The following CDH12 variants were observed in gnomAD, a reference collection of about 807,000 sequenced individuals.
CDH12 encodes cadherin 12.
CDH12 carries 41 observed loss-of-function variants against 74.1 expected under a neutral mutation model. The observed-to-expected ratio is 0.55, with a 90% CI of 0.43 to 0.72. CDH12 has a LOEUF of 0.72. Ranked by LOEUF, CDH12 falls within the 30% of genes least tolerant of loss-of-function variation. The pLI is 0.00. For missense variants in CDH12, 945 were observed against 977.2 expected (o/e 0.97, Z 0.44); for synonymous variants, 399 against 355.0 (o/e 1.12, Z -1.39).
chr5:22,362,213 A>T (rs1374902900), intron 3 of CDH12, among the ~76,000 whole-genome samples: 1 of 152,122 alleles, frequency 6.6e-6, no homozygotes, highest in South Asian at 2.1e-4. Context: ...GAATCTACAA[A>T]GAACTCAAAC....
At chr5:21,920,739 A>G (rs1053979508) in intron 6 of CDH12, among the ~76,000 whole-genome samples, 10 of 151,806 alleles carry the variant, frequency 6.6e-5, no homozygotes, top group African/African-American at 2.4e-4. Context: ...GAAACTATTC[A>G]GAGAAACAAC....
At chr5:22,485,775 C>G (rs115335233) in intron 2 of CDH12, among the ~76,000 whole-genome samples, 1 of 152,076 alleles carries the variant, frequency 6.6e-6, no homozygotes, top group African/African-American at 2.4e-5. Context: ...AGGAAAACAC[C>G]TTAGCTACAA....
At chr5:22,744,472 C>T (rs903924872) in intron 1 of CDH12, among the ~76,000 whole-genome samples, 1 of 151,824 alleles carries the variant, frequency 6.6e-6, no homozygotes, top group Non-Finnish European at 1.5e-5. Context: ...TCATACAATG[C>T]GTAAATGTGA....
At chr5:22,764,821 G>T (rs1022682380) in intron 1 of CDH12, among the ~76,000 whole-genome samples, 1 of 151,878 alleles carries the variant, frequency 6.6e-6, no homozygotes, top group Non-Finnish European at 1.5e-5. Context: ...AAAATAATTT[G>T]CCTGTACTCT....
intron 2 of CDH12, among the ~76,000 whole-genome samples, chr5:22,460,366 C>T (rs1745448974): frequency 6.6e-6 from 1 of 152,132 alleles, no homozygotes; most frequent in Admixed American, 6.5e-5. Context: ...CCTTGGCAAC[C>T]ACTGTTTGGC....
chr5:22,572,448 A>G (rs934378799), intron 1 of CDH12, among the ~76,000 whole-genome samples: 1 of 152,158 alleles, frequency 6.6e-6, no homozygotes, highest in Non-Finnish European at 1.5e-5. Context: ...CTTTCACAAA[A>G]GCAGTTAGTG....
chr5:22,229,406 C>T, intron 3 of CDH12, among the ~76,000 whole-genome samples: 1 of 140,602 alleles, frequency 7.1e-6, no homozygotes, highest in Admixed American at 7.4e-5. Flanking sequence ...GATTTGGGGC[C>T]TTGTTACTCC....
chr5:22,324,988 A>G (rs1014587417), intron 3 of CDH12, among the ~76,000 whole-genome samples: 15 of 152,340 alleles, frequency 9.8e-5, no homozygotes, highest in Admixed American at 9.8e-4. Flanking sequence ...TACCTATAGA[A>G]TGCCATTCAT....
At chr5:22,399,208 AT>A (rs1742601687) in intron 3 of CDH12, among the ~76,000 whole-genome samples, 1 of 151,730 alleles carries the variant, frequency 6.6e-6, no homozygotes, top group East Asian at 1.9e-4. Flanking sequence ...CTATCTATCT[AT>A]CTATCTATCT....
intron 3 of CDH12, among the ~76,000 whole-genome samples, chr5:22,290,226 T>C (rs947268197): frequency 2.0e-5 from 3 of 152,114 alleles, no homozygotes; most frequent in African/African-American, 7.2e-5. Flanking sequence ...TACCATAAAG[T>C]TAATGATCAA....
intron 3 of CDH12, among the ~76,000 whole-genome samples, chr5:22,339,170 C>T (rs1346826101): frequency 6.6e-6 from 1 of 152,148 alleles, no homozygotes; most frequent in African/African-American, 2.4e-5. Flanking sequence ...TTGTAGTAAA[C>T]TTCTGCACCA....
chr5:21,934,944 G>A (rs1294083498), intron 6 of CDH12, among the ~76,000 whole-genome samples: 1 of 152,034 alleles, frequency 6.6e-6, no homozygotes, highest in Admixed American at 6.6e-5. Context: ...CCGCCATCAC[G>A]CCCGGCTAAT....
Position 22,064,150 on chromosome 5 carries a change from A to T in CDH12, c.231+14296T>A, listed in dbSNP as rs117967045. On this transcript the variant is annotated intron_variant, in intron 5 of 14. Coordinates refer to ENST00000382254, the MANE Select transcript of CDH12 (RefSeq NM_004061.5). ...TGGTGGGTGATACATCTGCAACCAA[A>T]TGTGGATCAGAAATATACTGTTCAT... Among the ~76,000 whole-genome samples, 788 of 152,152 alleles carry T rather than the reference A, an allele frequency of 5.2e-3. 17 individuals are homozygous for T. Among genetic ancestry groups the T allele is most frequent in the East Asian group, 0.048 (249 of 5,160 alleles).
chr5:22,248,223 C>T (rs1753023748), intron 3 of CDH12, among the ~76,000 whole-genome samples: 1 of 152,138 alleles, frequency 6.6e-6, no homozygotes, highest in African/African-American at 2.4e-5. Context: ...TTGCTTAACC[C>T]AGGAGGCGGA....
At chr5:22,201,753 A>T (rs953090282) in intron 4 of CDH12, among the ~76,000 whole-genome samples, 2 of 152,112 alleles carry the variant, frequency 1.3e-5, no homozygotes, top group African/African-American at 4.8e-5. Context: ...ACATGGGGGT[A>T]ATAGGGCAAG....
At position 22,044,192 on chromosome 5, in the gene CDH12, A is replaced by T. The variant is rs190874047; in HGVS notation, c.231+34254T>A. Among the ~76,000 whole-genome samples, 284 of 152,296 alleles carry T rather than the reference A, an allele frequency of 1.9e-3. 1 individual carries two copies. Among genetic ancestry groups the T allele is most frequent in the Middle Eastern group, 0.014 (4 of 294 alleles). On this transcript the variant is annotated intron_variant, in intron 5 of 14. Transcript: ENST00000382254. ...CTTCCTGACTTTAAAATATACTACA[A>T]AGCTATAGACATGGTACTGGCAAAA...
intron 1 of CDH12, among the ~76,000 whole-genome samples, chr5:22,753,904 C>T (rs540671467): frequency 3.9e-5 from 6 of 152,244 alleles, no homozygotes; most frequent in Non-Finnish European, 8.8e-5. Context: ...TATCTAACTT[C>T]TGTTGCAATT....
intron 6 of CDH12, among the ~76,000 whole-genome samples, chr5:21,914,210 T>C (rs1753988048): frequency 6.6e-6 from 1 of 152,164 alleles, no homozygotes; most frequent in African/African-American, 2.4e-5. Flanking sequence ...AATGACTGAA[T>C]CCTTTTGCTT....
intron 3 of CDH12, among the ~76,000 whole-genome samples, chr5:22,360,995 G>T (rs1177301028): frequency 1.3e-5 from 2 of 152,116 alleles, no homozygotes; most frequent in Non-Finnish European, 2.9e-5. Flanking sequence ...GCAAAAACTG[G>T]AAGCATTCCT....
Sources: gnomAD v4.1 joint callset for allele counts (sites outside exome capture counted in the v4.1 genomes callset) on GRCh38, gnomAD v4.1.1 for gene constraint, MANE v1.5 for transcripts, NCBI Gene and HGNC (gene_info 2026-07-23, HGNC 2026-07-21) for gene names.